The following UBOX5 variants were observed in gnomAD, a reference collection of about 807,000 sequenced individuals.
The protein encoded by UBOX5 is RING finger protein 37.
Under a neutral mutation model 39.0 loss-of-function variants are expected in UBOX5, and 28 were observed. The ratio of observed to expected loss-of-function variants is 0.72; its 90% confidence interval spans 0.53 to 0.98. The LOEUF is 0.98. Among genes scored for constraint, UBOX5 ranks in the 50% least tolerant of loss-of-function variants. UBOX5 has a pLI of 0.00. For synonymous variants in UBOX5, 283 were observed against 275.5 expected, an observed-to-expected ratio of 1.03 and a Z score of -0.27; for missense variants, 585 against 674.4, an observed-to-expected ratio of 0.87 and a Z score of 1.47.
chr20:3,118,751 G>A (rs549783988), intron 3 of UBOX5, among the ~76,000 whole-genome samples: 7 of 152,140 alleles, frequency 4.6e-5, no homozygotes, highest in South Asian at 2.1e-4. Context: ...CAGCCTGGGC[G>A]ACAGAGCGAG....
intron 1 of UBOX5, among the ~76,000 whole-genome samples, chr20:3,132,967 A>T (rs989357166): frequency 2.7e-4 from 41 of 152,048 alleles, no homozygotes; most frequent in African/African-American, 7.7e-4. Flanking sequence ...ACAAAAAAAA[A>T]AATTAAATAA....
Position 3,122,546 on chromosome 20 carries a change from A to G in UBOX5, c.93T>C (p.Ser31=). The part of the protein sequence containing the change: ...ADGYEVENLI[S]EDLTKRSHGF... ...CATGACTTCTCTTTGTGAGATCTTCAGAGATGAGATTTTCTACTTCGTAAC... is the reference window on the plus strand; with the variant it reads ...CATGACTTCTCTTTGTGAGATCTTCGGAGATGAGATTTTCTACTTCGTAAC... Residue 31 remains serine (S), a synonymous_variant, in exon 3 of 5, where the codon TCT becomes TCC. Coordinates refer to ENST00000217173, the MANE Select transcript of UBOX5 (RefSeq NM_014948.4). The G allele has an allele frequency of 6.2e-7, 1 of 1,602,090 alleles. No individual in the cohort carries two copies.
chr20:3,148,618 G>A (rs1427691944), intron 1 of UBOX5: 2 of 1,614,034 alleles, frequency 1.2e-6, no homozygotes, highest in African/African-American at 2.7e-5. Flanking sequence ...GATTAACTCT[G>A]ACTTTGTGCA....
At chr20:3,157,440 C>T (rs573580782) in intron 1 of UBOX5, among the ~76,000 whole-genome samples, 10 of 152,360 alleles carry the variant, frequency 6.6e-5, no homozygotes, top group Non-Finnish European at 1.2e-4. Context: ...AGGAGAAAAA[C>T]AGCACATCAC....
rs139376372 is a variant in UBOX5 at position 3,122,208 on chromosome 20, G to A, written c.431C>T (p.Ala144Val). ...AGGGGAGGGGAGTGTGGCTTCCATC[G>A]CGCCAAAAGGGGGCCTGGCCTTGAA... is the stretch of plus-strand genomic sequence containing the variant. ...RGFKARPPFG[A>V]MEATLPSPAV... Residue 144 changes from alanine (A) to valine (V), a missense_variant, in exon 3 of 5, where the codon GCG becomes GTG. Physicochemically the swap from Ala to Val is moderately conservative, Grantham distance 64. Transcript: ENST00000217173. The A allele has an allele frequency of 4.2e-5, 67 of 1,614,226 alleles. No homozygotes were observed. Among genetic ancestry groups the A allele is most frequent in the Middle Eastern group, 3.3e-4 (2 of 6,062 alleles).
chr20:3,133,765 G>C (rs1477622059), intron 1 of UBOX5, among the ~76,000 whole-genome samples: 3 of 148,968 alleles, frequency 2.0e-5, no homozygotes, highest in African/African-American at 7.5e-5. Flanking sequence ...TTGGGGGGGG[G>C]AAACAGGCTC....
At chr20:3,131,343 C>T (rs2066427992) in intron 1 of UBOX5, among the ~76,000 whole-genome samples, 3 of 151,706 alleles carry the variant, frequency 2.0e-5, no homozygotes, top group African/African-American at 7.3e-5. Context: ...CAGGAATATG[C>T]TCTGAATTCT....
At chr20:3,137,164 C>T (rs1300485406) in intron 1 of UBOX5, among the ~76,000 whole-genome samples, 3 of 151,602 alleles carry the variant, frequency 2.0e-5, no homozygotes, top group Admixed American at 6.6e-5. Context: ...AGGATGGTCT[C>T]GAACTTCTGA....
intron 1 of UBOX5, chr20:3,148,680 T>G: frequency 1.2e-6 from 2 of 1,614,236 alleles, no homozygotes; most frequent in Non-Finnish European, 1.7e-6. Context: ...TCAGATGCAT[T>G]ATAGCTGTGA....
Position 3,122,591 on chromosome 20 carries a change from T to G in UBOX5, c.55-7A>C, listed in dbSNP as rs1366159571. 1.9e-6 allele frequency: 3 copies of G among 1,549,566 alleles called. No homozygotes were observed. Among genetic ancestry groups the G allele is most frequent in the Non-Finnish European group, 2.6e-6 (3 of 1,148,536 alleles). ...CGTAACCATCAGCTGATATCTAGAT[T>G]TAATAAAAAACACAAGATACAATGA... On this transcript the variant is annotated splice_region_variant and splice_polypyrimidine_tract_variant and intron_variant, in intron 2 of 4. Coordinates refer to ENST00000217173, the MANE Select transcript of UBOX5 (RefSeq NM_014948.4).
chr20:3,133,763 G>A (rs910738784), intron 1 of UBOX5, among the ~76,000 whole-genome samples: 1 of 150,694 alleles, frequency 6.6e-6, no homozygotes. Context: ...TTTTGGGGGG[G>A]GGAAACAGGC....
intron 1 of UBOX5, 130 bp from the exon 2 acceptor site, chr20:3,123,536 C>T (rs549066694): frequency 4.8e-6 from 3 of 629,146 alleles, no homozygotes; most frequent in African/African-American, 3.7e-5. Flanking sequence ...ACGGTCCACA[C>T]TGACTTTCCT....
chr20:3,128,337 T>C (rs946928375), intron 1 of UBOX5, among the ~76,000 whole-genome samples: 1 of 152,146 alleles, frequency 6.6e-6, no homozygotes, highest in African/African-American at 2.4e-5. Flanking sequence ...AAAATAAATA[T>C]ATAGCCAAGC....
At chr20:3,131,177 C>T (rs149653145) in intron 1 of UBOX5, among the ~76,000 whole-genome samples, 14 of 150,750 alleles carry the variant, frequency 9.3e-5, no homozygotes, top group African/African-American at 1.5e-4. Context: ...TGCAGTGAGC[C>T]GAGATCATGC....
At chr20:3,146,320 GAC>G (rs1251035790) in intron 1 of UBOX5, among the ~76,000 whole-genome samples, 1 of 127,870 alleles carries the variant, frequency 7.8e-6, no homozygotes, top group Non-Finnish European at 1.6e-5. Context: ...CAGCCTGGGT[GAC>G]AGAGCGAGAC....
At chr20:3,153,422 T>C (rs950108048) in intron 1 of UBOX5, among the ~76,000 whole-genome samples, 1 of 152,234 alleles carries the variant, frequency 6.6e-6, no homozygotes, top group East Asian at 1.9e-4. Flanking sequence ...AACATCTCTG[T>C]AATGTAAGTT....
Position 3,122,402 on chromosome 20 carries a change from A to G in UBOX5, c.237T>C (p.Thr79=). The part of the protein sequence containing the change: ...DLTAGGGQNV[T]GLEMYTSASS... ...AGGCAGATGTGTACATTTCCAGGCCAGTGACGTTCTGACCTCCCCCAGCTG... is the reference window on the plus strand; with the variant it reads ...AGGCAGATGTGTACATTTCCAGGCCGGTGACGTTCTGACCTCCCCCAGCTG... The change falls in exon 3 of 5, where the codon ACT becomes ACC. Residue 79 remains threonine (T), a synonymous_variant. Coordinates refer to ENST00000217173, the MANE Select transcript of UBOX5 (RefSeq NM_014948.4). 1 of 1,614,220 alleles carries G rather than the reference A, an allele frequency of 6.2e-7. No homozygotes were observed. Among genetic ancestry groups the G allele is most frequent in the Non-Finnish European group, 8.5e-7 (1 of 1,180,034 alleles).
intron 3 of UBOX5, among the ~76,000 whole-genome samples, chr20:3,120,204 G>T (rs543310910): frequency 9.9e-5 from 15 of 151,808 alleles, no homozygotes; most frequent in African/African-American, 3.1e-4. Flanking sequence ...AAAATTAGCT[G>T]GGCGTGGTGG....
At chr20:3,139,478 G>A (rs2066498348) in intron 1 of UBOX5, among the ~76,000 whole-genome samples, 1 of 151,390 alleles carries the variant, frequency 6.6e-6, no homozygotes, top group South Asian at 2.1e-4. Context: ...CAACCTCCCC[G>A]TCGTGGGTTC....
Sources: allele counts gnomAD v4.1 joint callset (sites outside exome capture counted in the v4.1 genomes callset), GRCh38; gene constraint gnomAD v4.1.1; transcripts MANE v1.5; gene names NCBI Gene and HGNC (gene_info 2026-07-23, HGNC 2026-07-21).